PCDH15: variants seen among roughly 807,000 people sequenced by gnomAD.
PCDH15 encodes protocadherin-15.
Under a neutral mutation model 178.5 loss-of-function variants are expected in PCDH15, and 129 were observed. The ratio of observed to expected loss-of-function variants is 0.72; its 90% CI spans 0.63 to 0.84. PCDH15 has a LOEUF of 0.84. Ranked by LOEUF, PCDH15 falls within the 40% of genes least tolerant of loss-of-function variation. PCDH15 has a pLI of 0.00. For synonymous variants in PCDH15, 800 were observed against 732.0 expected (o/e 1.09, Z -1.50); for missense variants, 2,230 against 2,099.9 (o/e 1.06, Z -1.21).
chr10:55,293,023 G>A (rs1263348370), intron 1 of PCDH15, among the ~76,000 whole-genome samples: 1 of 152,186 alleles, frequency 6.6e-6, no homozygotes, highest in African/African-American at 2.4e-5. Context: ...GGTTCTCCAT[G>A]AGGGCCGGGC....
At chr10:53,972,068 T>C (rs1324866500) in intron 21 of PCDH15, among the ~76,000 whole-genome samples, 3 of 152,146 alleles carry the variant, frequency 2.0e-5, no homozygotes, top group Admixed American at 6.6e-5. Flanking sequence ...AAAAACAGCA[T>C]GATACTGGTA....
chr10:55,005,394 G>A (rs1839904833), intron 2 of PCDH15, among the ~76,000 whole-genome samples: 1 of 151,968 alleles, frequency 6.6e-6, no homozygotes, highest in Admixed American at 6.6e-5. Flanking sequence ...CAAAAATAAG[G>A]TAAATTTGAA....
At chr10:53,996,868 C>T (rs1388302602) in intron 20 of PCDH15, among the ~76,000 whole-genome samples, 1 of 152,018 alleles carries the variant, frequency 6.6e-6, no homozygotes, top group Non-Finnish European at 1.5e-5. Flanking sequence ...TCCTCCAAGT[C>T]CCCTTTTTCT....
At chr10:53,908,858 A>G (rs993788002) in intron 25 of PCDH15, among the ~76,000 whole-genome samples, 3 of 152,220 alleles carry the variant, frequency 2.0e-5, no homozygotes, top group African/African-American at 4.8e-5. Context: ...TTGGAATACC[A>G]GATTTATATT....
chr10:54,234,172 GTGT>G (rs2054381721), intron 9 of PCDH15, among the ~76,000 whole-genome samples: 1 of 150,666 alleles, frequency 6.6e-6, no homozygotes, highest in Non-Finnish European at 1.5e-5. Context: ...GTGTGTGTGT[GTGT>G]GCTGTGTCTG....
chr10:54,655,428 GGT>G (rs371162241), intron 2 of PCDH15: 16,026 of 141,678 alleles, frequency 0.11, 862 homozygotes, highest in Middle Eastern at 0.2. Context: ...TGTGTGGTGG[GGT>G]GTGTGTGTGT....
At chr10:54,288,657 C>T (rs528152461) in intron 8 of PCDH15, among the ~76,000 whole-genome samples, 144 of 152,308 alleles carry the variant, frequency 9.5e-4, no homozygotes, top group South Asian at 4.1e-3. Flanking sequence ...GACACTCCCG[C>T]CCAAATACTG....
intron 3 of PCDH15, among the ~76,000 whole-genome samples, chr10:54,437,747 T>A (rs1488882362): frequency 6.6e-6 from 1 of 152,218 alleles, no homozygotes; most frequent in East Asian, 1.9e-4. Flanking sequence ...CATGAGCCAC[T>A]GCTTGAATAT....
chr10:54,796,742 T>C (rs1952058895), intron 1 of PCDH15, among the ~76,000 whole-genome samples: 4 of 151,996 alleles, frequency 2.6e-5, no homozygotes, highest in Admixed American at 2.0e-4. Flanking sequence ...TCTTTGAGTT[T>C]GTATCTCTGT....
chr10:54,528,408 G>A, intron 2 of PCDH15: 1 of 1,573,972 alleles, frequency 6.4e-7, no homozygotes, highest in Non-Finnish European at 8.6e-7. Context: ...CCAGTCTGGA[G>A]TCAAAAGTAT....
chr10:55,626,724 A>G (rs1439915299), intron 2 of PCDH15, among the ~76,000 whole-genome samples: 1 of 152,182 alleles, frequency 6.6e-6, no homozygotes, highest in African/African-American at 2.4e-5. Context: ...AAGAGTTGGG[A>G]ACAATTAAAC....
At chr10:54,484,691 A>G (rs149211649) in intron 3 of PCDH15, among the ~76,000 whole-genome samples, 2 of 152,042 alleles carry the variant, frequency 1.3e-5, no homozygotes, top group Admixed American at 1.3e-4. Context: ...CTTGGGATGA[A>G]TTTAAAATCA....
At chr10:54,967,452 T>A (rs993757516) in intron 2 of PCDH15, among the ~76,000 whole-genome samples, 3 of 152,094 alleles carry the variant, frequency 2.0e-5, no homozygotes, top group African/African-American at 7.2e-5. Context: ...AATGTAACAG[T>A]ATTGATTTTT....
chr10:54,752,509 A>AAAAC (rs140808945), intron 1 of PCDH15, among the ~76,000 whole-genome samples: 1 of 89,302 alleles, frequency 1.1e-5, no homozygotes. Context: ...CAAAAAACAA[A>AAAAC]AAACAAACAA....
chr10:55,334,377 G>A (rs965859245), intron 2 of PCDH15, among the ~76,000 whole-genome samples: 4 of 147,592 alleles, frequency 2.7e-5, no homozygotes, highest in Non-Finnish European at 4.5e-5. Flanking sequence ...GCGTGATCTC[G>A]GCTCACCGCA....
chr10:55,620,367 A>C (rs562175259), intron 2 of PCDH15, among the ~76,000 whole-genome samples: 1 of 152,054 alleles, frequency 6.6e-6, no homozygotes, highest in South Asian at 2.1e-4. Flanking sequence ...TTATAGCTCT[A>C]GTTATAAAAA....
chr10:55,265,519 T>G (rs1592033840), intron 1 of PCDH15, among the ~76,000 whole-genome samples: 1 of 152,072 alleles, frequency 6.6e-6, no homozygotes, highest in Non-Finnish European at 1.5e-5. Flanking sequence ...GCATCACATA[T>G]AGCATCAGGG....
intron 3 of PCDH15, among the ~76,000 whole-genome samples, chr10:54,849,097 T>A (rs1214699504): frequency 6.6e-6 from 1 of 152,336 alleles, no homozygotes; most frequent in East Asian, 1.9e-4. Context: ...CCCTTTCTTA[T>A]TAATACATAT....
chr10:54,734,360 T>A (rs1943802412), intron 1 of PCDH15, among the ~76,000 whole-genome samples: 1 of 151,862 alleles, frequency 6.6e-6, no homozygotes, highest in Admixed American at 6.6e-5. Flanking sequence ...ATTATAATAT[T>A]TTTTTAAAGG....
Sources: gnomAD v4.1 joint callset for allele counts (sites outside exome capture counted in the v4.1 genomes callset) on GRCh38, gnomAD v4.1.1 for gene constraint, MANE v1.5 for transcripts, NCBI Gene and HGNC (gene_info 2026-07-23, HGNC 2026-07-21) for gene names.